DHRS9: variants seen among roughly 807,000 people sequenced by gnomAD.
DHRS9 encodes dehydrogenase/reductase SDR family member 9.
A neutral mutation model predicts 26.6 loss-of-function variants in DHRS9; 18 were observed. That is an observed-to-expected ratio of 0.68 (90% CI 0.47 to 1.00). DHRS9 has a LOEUF of 1.00. Among genes scored for constraint, DHRS9 ranks in the 50% least tolerant of loss-of-function variants. The probability of loss-of-function intolerance (pLI) is 0.00; values close to 1 mark genes in which losing one functional copy is unlikely to be tolerated. For synonymous variants in DHRS9, 134 were observed against 141.1 expected, an observed-to-expected ratio of 0.95 and a Z score of 0.36; for missense variants, 425 against 378.7, an observed-to-expected ratio of 1.12 and a Z score of -1.01.
rs1300215416 is a variant in DHRS9 at position 169,081,612 on chromosome 2, C to A, written c.31C>A (p.Leu11Ile). 1.2e-6 allele frequency: 2 copies of A among 1,614,000 alleles called. No homozygotes were observed. Among genetic ancestry groups the A allele is most frequent in the South Asian group, 2.2e-5 (2 of 91,078 alleles). The change falls in exon 2 of 5, where the codon CTC becomes ATC. Residue 11 changes from leucine to isoleucine, a missense_variant. Leu to Ile is a conservative substitution (Grantham distance 5). Coordinates refer to ENST00000674881, the MANE Select transcript of DHRS9 (RefSeq NM_001376924.1). MLFWVLGLLILCGFLWTRKGK... is the reference protein window; with the variant it reads MLFWVLGLLIICGFLWTRKGK... Reference sequence around the variant, plus strand: ...CTTTTGGGTGCTAGGCCTCCTAATCCTCTGTGGTTTTCTGTGGACTCGTAA... The same window carrying A: ...CTTTTGGGTGCTAGGCCTCCTAATCATCTGTGGTTTTCTGTGGACTCGTAA...
At chr2:169,067,271 A>G, upstream of DHRS9, 1 of 1,535,306 alleles carries the variant, frequency 6.5e-7, no homozygotes, top group East Asian at 2.4e-5. Flanking sequence ...CACTGGAGTA[A>G]GTGCTTTCCT....
At chr2:169,084,461 T>C (rs1324240671) in intron 3 of DHRS9, among the ~76,000 whole-genome samples, 1 of 152,192 alleles carries the variant, frequency 6.6e-6, no homozygotes. Context: ...CCACCAATAG[T>C]GTACGAGGAT....
chr2:169,078,872 G>A (rs1313847728), intron 1 of DHRS9, among the ~76,000 whole-genome samples: 2 of 139,882 alleles, frequency 1.4e-5, no homozygotes, highest in African/African-American at 2.7e-5. Context: ...CGCCAGGGCT[G>A]GAGTGCAATG....
intron 2 of DHRS9, among the ~76,000 whole-genome samples, chr2:169,082,633 C>A (rs1684225575): frequency 6.6e-6 from 1 of 152,172 alleles, no homozygotes; most frequent in Non-Finnish European, 1.5e-5. Flanking sequence ...AATTCCAACA[C>A]CTTTAAAAAT....
chr2:169,092,980 A>G (rs1684580487), intron 4 of DHRS9, among the ~76,000 whole-genome samples: 1 of 152,120 alleles, frequency 6.6e-6, no homozygotes, highest in Non-Finnish European at 1.5e-5. Context: ...TGACCGTGCC[A>G]TTTATGCTTG....
At chr2:169,086,955 C>G (rs1470479632) in intron 3 of DHRS9, among the ~76,000 whole-genome samples, 1 of 152,160 alleles carries the variant, frequency 6.6e-6, no homozygotes, top group Admixed American at 6.5e-5. Context: ...AGACCCAAGG[C>G]CCTCTGTAAT....
intron 1 of DHRS9, among the ~76,000 whole-genome samples, chr2:169,074,812 A>G (rs992272641): frequency 1.3e-5 from 2 of 152,078 alleles, no homozygotes; most frequent in Non-Finnish European, 2.9e-5. Flanking sequence ...GCAAAACTCT[A>G]GGTTAGCATT....
intron 4 of DHRS9, among the ~76,000 whole-genome samples, chr2:169,093,528 C>T (rs1368697583): frequency 6.6e-6 from 1 of 152,140 alleles, no homozygotes; most frequent in Non-Finnish European, 1.5e-5. Context: ...TAAGATGGAA[C>T]TTAATACTTC....
chr2:169,067,462 T>C (rs1469710296), upstream of DHRS9, among the ~76,000 whole-genome samples: 1 of 152,212 alleles, frequency 6.6e-6, no homozygotes, highest in African/African-American at 2.4e-5. Flanking sequence ...GGCATACAGA[T>C]TCAGAAGAAA....
chr2:169,079,914 GGAGGGGGAGAGAGAGAGAGA>G (rs1684101117), intron 1 of DHRS9, among the ~76,000 whole-genome samples: 1 of 44,812 alleles, frequency 2.2e-5, no homozygotes, highest in African/African-American at 1.6e-4. Flanking sequence ...AGGGAGGGAG[GGAGGGGGAGAGAGAGAGAGA>G]GAGAGAGAGA....
rs72623190 is a variant in DHRS9, at chr2:169,089,769, T to C, written c.573-2021T>C. 7.8e-3 allele frequency among the ~76,000 whole-genome samples: 1,191 copies of C among 152,322 alleles called. 41 individuals carry two copies. In the East Asian group the frequency reaches 0.13, roughly 16 times the overall value. ...AATTCTTCCAAAAAACTAATGTGCA[T>C]TTGAATCACCTGGGGATCTTTTCAA... is the stretch of plus-strand genomic sequence containing the variant. On this transcript the variant is annotated intron_variant, in intron 3 of 4. Transcript: ENST00000674881.
chr2:169,093,716 G>T (rs905080876), intron 4 of DHRS9, among the ~76,000 whole-genome samples: 1 of 152,194 alleles, frequency 6.6e-6, no homozygotes, highest in Admixed American at 6.5e-5. Flanking sequence ...TACACTGGTT[G>T]TTCTCACTAG....
At chr2:169,071,876 A>AC (rs1553478245) in intron 1 of DHRS9, among the ~76,000 whole-genome samples, 1 of 151,524 alleles carries the variant, frequency 6.6e-6, no homozygotes, top group Non-Finnish European at 1.5e-5. Context: ...CCATTAAAAA[A>AC]TTTTTTTTTC....
intron 3 of DHRS9, among the ~76,000 whole-genome samples, chr2:169,085,926 T>C (rs1413939045): frequency 6.6e-6 from 1 of 152,248 alleles, no homozygotes; most frequent in African/African-American, 2.4e-5. Context: ...ATCCTTTCTT[T>C]ATACTTGACC....
intron 4 of DHRS9, among the ~76,000 whole-genome samples, chr2:169,093,349 C>A (rs1288699244): frequency 6.6e-6 from 1 of 152,028 alleles, no homozygotes; most frequent in Non-Finnish European, 1.5e-5. Flanking sequence ...CACACGCACA[C>A]ACACACACAT....
Position 169,095,663 on chromosome 2 carries a change from G to C in DHRS9, c.856G>C (p.Asp286His), listed in dbSNP as rs11695788. The change falls in exon 5 of 5, where the codon GAT becomes CAT. Residue 286 changes from aspartate (D) to histidine (H), a missense_variant. By Grantham distance (81) the Asp-to-His change is moderately conservative (BLOSUM62 -1). Coordinates refer to ENST00000674881, the MANE Select transcript of DHRS9 (RefSeq NM_001376924.1). ...FPKTHYAAGK[D>H]AKIFWIPLSH... ...TAAGACTCATTATGCCGCTGGAAAA[G>C]ATGCCAAAATTTTCTGGATACCTCT... 4.5e-3 allele frequency: 7,244 copies of C among 1,613,990 alleles called. 23 individuals are homozygous for C. Among genetic ancestry groups the C allele is most frequent in the Middle Eastern group, 0.016 (96 of 6,056 alleles).
At chr2:169,071,576 G>A (rs970918952) in intron 1 of DHRS9, among the ~76,000 whole-genome samples, 4 of 152,142 alleles carry the variant, frequency 2.6e-5, no homozygotes, top group African/African-American at 9.7e-5. Flanking sequence ...AATCTGTAGT[G>A]GAAGTACACA....
chr2:169,082,449 G>T (rs929016541), intron 2 of DHRS9, among the ~76,000 whole-genome samples: 1 of 152,032 alleles, frequency 6.6e-6, no homozygotes, highest in African/African-American at 2.4e-5. Context: ...TGAACTAGAA[G>T]AATTTTTATT....
At chr2:169,095,437 A>G in intron 4 of DHRS9, 107 bp from the exon 5 acceptor site, 1 of 860,556 alleles carries the variant, frequency 1.2e-6, no homozygotes, top group Non-Finnish European at 1.9e-6. Context: ...ATTATAATGG[A>G]CAATTCAGAA....
Sources: allele counts gnomAD v4.1 joint callset (sites outside exome capture counted in the v4.1 genomes callset), GRCh38; gene constraint gnomAD v4.1.1; transcripts MANE v1.5; gene names NCBI Gene and HGNC (gene_info 2026-07-23, HGNC 2026-07-21).